Variants in HSD11B1 observed in about 807,000 individuals in gnomAD.
HSD11B1 encodes 11-beta-hydroxysteroid dehydrogenase 1.
In HSD11B1, 15 loss-of-function variants were observed where a neutral mutation model predicts 22.1. That is an observed-to-expected ratio of 0.68 (90% confidence interval 0.45 to 1.04). The LOEUF (loss-of-function observed/expected upper bound fraction) is 1.04. HSD11B1 is among the 50% of genes least tolerant of loss of function. HSD11B1 has a pLI of 0.00. For synonymous variants in HSD11B1, 122 were observed against 125.2 expected, an observed-to-expected ratio of 0.97 and a Z score of 0.17; for missense variants, 281 against 357.6, an observed-to-expected ratio of 0.79 and a Z score of 1.73.
At chr1:209,725,118 A>G (rs1383272619) in intron 4 of HSD11B1, among the ~76,000 whole-genome samples, 1 of 152,218 alleles carries the variant, frequency 6.6e-6, no homozygotes, top group African/African-American at 2.4e-5. Context: ...GAAATAATAC[A>G]TGCTGTCTTA....
At chr1:209,692,893 G>A (rs1322732455) in intron 1 of HSD11B1, among the ~76,000 whole-genome samples, 1 of 152,196 alleles carries the variant, frequency 6.6e-6, no homozygotes, top group East Asian at 1.9e-4. Flanking sequence ...TGGAAATCAG[G>A]AGTGTGTGTT....
intron 5 of HSD11B1, among the ~76,000 whole-genome samples, chr1:209,733,255 T>C (rs1458281050): frequency 6.6e-6 from 1 of 152,200 alleles, no homozygotes; most frequent in Non-Finnish European, 1.5e-5. Context: ...CACAACATCA[T>C]TTTGGTGGTG....
intron 4 of HSD11B1, among the ~76,000 whole-genome samples, chr1:209,727,103 C>G (rs2077007141): frequency 6.6e-6 from 1 of 152,070 alleles, no homozygotes; most frequent in Non-Finnish European, 1.5e-5. Context: ...GCCCTGAATC[C>G]AATGACAAGT....
intron 4 of HSD11B1, among the ~76,000 whole-genome samples, chr1:209,731,958 C>T (rs1238077024): frequency 2.6e-5 from 4 of 152,170 alleles, no homozygotes; most frequent in Non-Finnish European, 4.4e-5. Context: ...CTGCCCACCT[C>T]GGCCTCCCAA....
At chr1:209,701,884 G>A (rs2076828803), upstream of HSD11B1, among the ~76,000 whole-genome samples, 1 of 152,052 alleles carries the variant, frequency 6.6e-6, no homozygotes. Context: ...TCTGTTGCTT[G>A]TGCTTGATTC....
intron 1 of HSD11B1, among the ~76,000 whole-genome samples, chr1:209,688,271 A>T (rs2102349474): frequency 6.6e-6 from 1 of 152,188 alleles, no homozygotes; most frequent in East Asian, 1.9e-4. Flanking sequence ...ACATCCTCAT[A>T]ACTTGTACTT....
At chr1:209,712,739 T>C (rs1023311583) in intron 4 of HSD11B1, among the ~76,000 whole-genome samples, 2 of 152,198 alleles carry the variant, frequency 1.3e-5, no homozygotes, top group Non-Finnish European at 2.9e-5. Context: ...TTTGGAAATA[T>C]GTACCAGAAG....
At chr1:209,721,067 G>A (rs1456338244) in intron 4 of HSD11B1, among the ~76,000 whole-genome samples, 2 of 152,182 alleles carry the variant, frequency 1.3e-5, no homozygotes, top group African/African-American at 2.4e-5. Flanking sequence ...TAGCCACAAG[G>A]AATGCCGGCA....
rs777821799 is a variant in HSD11B1 at position 209,706,692 on chromosome 1, C to G, written c.220-17C>G. 2 of 1,580,020 alleles carry G rather than the reference C, an allele frequency of 1.3e-6. No individual in the cohort carries two copies. Among genetic ancestry groups the G allele is most frequent in the East Asian group, 4.5e-5 (2 of 44,716 alleles). ...TCTGCAGCTAAGACTGATGCCATTTCTGCTGTATCACTGCAGGTGGTATCC... is the reference window on the plus strand; with the variant it reads ...TCTGCAGCTAAGACTGATGCCATTTGTGCTGTATCACTGCAGGTGGTATCC... On this transcript the variant is annotated splice_polypyrimidine_tract_variant and intron_variant, in intron 2 of 5. Transcript: ENST00000367027. The surrounding 1 kb of genome is among the most constrained non-coding windows in gnomAD (Gnocchi z 4.0).
chr1:209,699,001 T>C (rs887779565), intron 1 of HSD11B1, among the ~76,000 whole-genome samples: 4 of 152,088 alleles, frequency 2.6e-5, no homozygotes, highest in Non-Finnish European at 2.9e-5. Flanking sequence ...AGATCCACGA[T>C]TCCGTTAGCT....
At chr1:209,704,614 T>C (rs989977621), upstream of HSD11B1, among the ~76,000 whole-genome samples, 1 of 152,096 alleles carries the variant, frequency 6.6e-6, no homozygotes, top group Non-Finnish European at 1.5e-5. Context: ...GTGTTAAGAG[T>C]AAGATGGACT....
chr1:209,717,871 CAAAAAAA>C (rs1015577238), intron 4 of HSD11B1, among the ~76,000 whole-genome samples: 7 of 39,636 alleles, frequency 1.8e-4, no homozygotes, highest in Non-Finnish European at 3.0e-4. Context: ...GACTCCATCT[CAAAAAAA>C]AAAAAAAAAA....
chr1:209,695,696 A>T (rs1352290150), intron 1 of HSD11B1, among the ~76,000 whole-genome samples: 1 of 152,092 alleles, frequency 6.6e-6, no homozygotes, highest in Non-Finnish European at 1.5e-5. Flanking sequence ...AGTCCCAGCT[A>T]CTCAGGAGGC....
chr1:209,712,780 G>C (rs945240391), intron 4 of HSD11B1, among the ~76,000 whole-genome samples: 2 of 152,250 alleles, frequency 1.3e-5, no homozygotes, highest in African/African-American at 4.8e-5. Flanking sequence ...GCCAGGCGCA[G>C]TGGTTTACGC....
intron 4 of HSD11B1, among the ~76,000 whole-genome samples, chr1:209,715,360 C>G (rs919576036): frequency 6.6e-6 from 1 of 152,030 alleles, no homozygotes; most frequent in African/African-American, 2.4e-5. Flanking sequence ...ACTGACAGGA[C>G]CTGGGAGCAC....
chr1:209,719,633 C>A (rs902059981), intron 4 of HSD11B1, among the ~76,000 whole-genome samples: 4 of 152,140 alleles, frequency 2.6e-5, no homozygotes, highest in Non-Finnish European at 5.9e-5. Context: ...GTTCAACTCC[C>A]ACTTATGAGT....
chr1:209,711,398 T>G (rs550176606), intron 4 of HSD11B1, among the ~76,000 whole-genome samples: 1 of 152,304 alleles, frequency 6.6e-6, no homozygotes, highest in Non-Finnish European at 1.5e-5. Context: ...AAGGGGCAAT[T>G]TATCCCTTGC....
chr1:209,686,580 T>C (rs2076730143), intron 1 of HSD11B1, among the ~76,000 whole-genome samples: 1 of 152,230 alleles, frequency 6.6e-6, no homozygotes, highest in South Asian at 2.1e-4. Flanking sequence ...AAAGTCAAGT[T>C]GGAACAAAAA....
At chr1:209,688,785 TAGA>T (rs1385775556) in intron 1 of HSD11B1, among the ~76,000 whole-genome samples, 1 of 152,048 alleles carries the variant, frequency 6.6e-6, no homozygotes, top group Non-Finnish European at 1.5e-5. Flanking sequence ...TTGATGACAG[TAGA>T]AGAATTTATA....
Sources: allele counts gnomAD v4.1 joint callset (sites outside exome capture counted in the v4.1 genomes callset), GRCh38; gene constraint gnomAD v4.1.1; non-coding constraint Gnocchi (gnomAD v3.1); transcripts MANE v1.5; gene names NCBI Gene and HGNC (gene_info 2026-07-23, HGNC 2026-07-21).